GPHN: variants seen among roughly 807,000 people sequenced by gnomAD.
The protein encoded by GPHN is gephyrin.
GPHN carries 17 observed loss-of-function variants against 95.5 expected under a neutral mutation model. The ratio of observed to expected loss-of-function variants is 0.18; its 90% CI spans 0.12 to 0.27. The LOEUF (loss-of-function observed/expected upper bound fraction) is 0.27. Ranked by LOEUF, GPHN falls within the 10% of genes least tolerant of loss-of-function variation. GPHN has a pLI of 1.00. For missense variants in GPHN, 660 were observed against 978.1 expected, an observed-to-expected ratio of 0.67 and a Z score of 4.34; for synonymous variants, 320 against 322.5, an observed-to-expected ratio of 0.99 and a Z score of 0.08.
intron 2 of GPHN, among the ~76,000 whole-genome samples, chr14:66,721,094 T>C (rs1334717018): frequency 6.6e-6 from 1 of 152,236 alleles, no homozygotes; most frequent in African/African-American, 2.4e-5. Flanking sequence ...CATCAGTTGC[T>C]TTATTAGAGT....
At chr14:67,062,976 T>TA (rs2153652215) in intron 11 of GPHN, among the ~76,000 whole-genome samples, 1 of 152,364 alleles carries the variant, frequency 6.6e-6, no homozygotes, top group Non-Finnish European at 1.5e-5. Context: ...TTTTGTGCTT[T>TA]AGTCATGAAG....
intron 4 of GPHN, among the ~76,000 whole-genome samples, chr14:66,842,880 G>A (rs1198613976): frequency 6.6e-6 from 1 of 151,978 alleles, no homozygotes; most frequent in Non-Finnish European, 1.5e-5. Flanking sequence ...CTGTATCCCT[G>A]GGCAATAGAG....
the GPHN span, among the ~76,000 whole-genome samples, chr14:67,663,626 A>T: frequency 2.0e-5 from 3 of 152,200 alleles, no homozygotes; most frequent in Non-Finnish European, 4.4e-5. Flanking sequence ...GTGAGCCAAG[A>T]TTGTGCCACT....
At chr14:66,825,712 ATAT>A (rs1278216121) in intron 4 of GPHN, among the ~76,000 whole-genome samples, 4 of 152,146 alleles carry the variant, frequency 2.6e-5, no homozygotes, top group Non-Finnish European at 5.9e-5. Context: ...TAAACTTTTG[ATAT>A]TATTATAATT....
the GPHN span, chr14:67,208,194 T>C: frequency 2.5e-6 from 4 of 1,612,606 alleles, no homozygotes; most frequent in Non-Finnish European, 3.4e-6. Context: ...TGCTTTTTAT[T>C]TTTAAAGGAA....
At chr14:67,204,724 A>T in the GPHN span, 3 of 1,613,994 alleles carry the variant, frequency 1.9e-6, no homozygotes, top group African/African-American at 1.3e-5. Flanking sequence ...CAAAGTTTCC[A>T]AAGTGTCGGA....
intron 4 of GPHN, among the ~76,000 whole-genome samples, chr14:66,837,615 AAAT>A (rs1457733402): frequency 1.7e-5 from 1 of 58,226 alleles, no homozygotes; most frequent in Non-Finnish European, 2.6e-5. Flanking sequence ...AAATAAATAA[AAAT>A]AAATAAATAA....
the GPHN span, among the ~76,000 whole-genome samples, chr14:67,487,795 T>TA: frequency 4.4e-4 from 66 of 151,686 alleles, no homozygotes; most frequent in African/African-American, 1.5e-3. Context: ...GCCATGTACT[T>TA]TAAAAAAAAA....
At chr14:67,119,103 T>C (rs188816927) in intron 16 of GPHN, among the ~76,000 whole-genome samples, 4 of 152,188 alleles carry the variant, frequency 2.6e-5, no homozygotes. Flanking sequence ...GTCAGTCTTA[T>C]CTTCAGAGCA....
At chr14:67,187,159 T>C in the GPHN span, among the ~76,000 whole-genome samples, 1 of 152,164 alleles carries the variant, frequency 6.6e-6, no homozygotes, top group Non-Finnish European at 1.5e-5. Context: ...ACACACACCT[T>C]ATGATACATG....
At chr14:67,397,597 A>G in the GPHN span, 1 of 1,391,398 alleles carries the variant, frequency 7.2e-7, no homozygotes, top group Non-Finnish European at 9.8e-7. Context: ...CCACTTTCCC[A>G]AAGAGGCCAG....
the GPHN span, among the ~76,000 whole-genome samples, chr14:67,344,596 G>C: frequency 2.4e-4 from 37 of 152,080 alleles, no homozygotes; most frequent in African/African-American, 8.9e-4. Context: ...GAGTGAAACT[G>C]GGCTGGGTGA....
the GPHN span, among the ~76,000 whole-genome samples, chr14:67,553,902 C>T: frequency 1.3e-5 from 2 of 152,112 alleles, no homozygotes; most frequent in South Asian, 2.1e-4. Context: ...GTAGTGTTAC[C>T]GCAAGAGAGG....
intron 1 of GPHN, among the ~76,000 whole-genome samples, chr14:66,662,860 T>A (rs2065744172): frequency 6.6e-6 from 1 of 152,096 alleles, no homozygotes; most frequent in African/African-American, 2.4e-5. Context: ...ATAGACCAAG[T>A]GGAGGAAAGA....
chr14:66,891,358 G>A (rs1408821938), intron 5 of GPHN, among the ~76,000 whole-genome samples: 1 of 152,108 alleles, frequency 6.6e-6, no homozygotes, highest in East Asian at 1.9e-4. Context: ...CATATAGGAT[G>A]TAATAATTTT....
chr14:67,081,991 G>C (rs2076712788), intron 11 of GPHN, among the ~76,000 whole-genome samples: 1 of 152,130 alleles, frequency 6.6e-6, no homozygotes, highest in African/African-American at 2.4e-5. Context: ...TGTTGTTTTA[G>C]TGACTATGGC....
At chr14:67,572,217 G>C in the GPHN span, 1 of 1,609,482 alleles carries the variant, frequency 6.2e-7, no homozygotes, top group South Asian at 1.1e-5. Context: ...ACTACTCAGA[G>C]CCTGAGCACA....
At chr14:66,827,913 A>T (rs1474672236) in intron 4 of GPHN, among the ~76,000 whole-genome samples, 1 of 152,054 alleles carries the variant, frequency 6.6e-6, no homozygotes, top group Admixed American at 6.6e-5. Flanking sequence ...ATTATTCAGA[A>T]ATTGAGCAGT....
At chr14:67,028,211 A>G (rs961634283) in intron 10 of GPHN, among the ~76,000 whole-genome samples, 5 of 152,122 alleles carry the variant, frequency 3.3e-5, no homozygotes, top group African/African-American at 1.2e-4. Context: ...AATTTCTACT[A>G]TTTTAAATAG....
Sources: allele counts gnomAD v4.1 joint callset (sites outside exome capture counted in the v4.1 genomes callset), GRCh38; gene constraint gnomAD v4.1.1; transcripts MANE v1.5; gene names NCBI Gene and HGNC (gene_info 2026-07-23, HGNC 2026-07-21).